HACE1: variants seen among roughly 807,000 people sequenced by gnomAD.
HACE1 encodes the protein E3 ubiquitin-protein ligase HACE1.
In HACE1, 73 loss-of-function variants were observed where a neutral mutation model predicts 118.4. The observed-to-expected ratio is 0.62, with a 90% CI of 0.51 to 0.75. HACE1 has a LOEUF of 0.75. Among genes scored for constraint, HACE1 ranks in the 30% least tolerant of loss-of-function variants. The pLI is 0.00. For missense variants in HACE1, 749 were observed against 1,102.2 expected (o/e 0.68, Z 4.54); for synonymous variants, 368 against 374.8 (o/e 0.98, Z 0.21).
intron 22 of HACE1, chr6:104,732,142 T>C (rs1367470831): frequency 6.6e-6 from 1 of 152,178 alleles, no homozygotes; most frequent in Non-Finnish European, 1.5e-5. Context: ...GAAAACAGTA[T>C]GCAAGTTCCT....
chr6:104,733,133 C>T (rs997737165), intron 22 of HACE1, among the ~76,000 whole-genome samples: 3 of 152,032 alleles, frequency 2.0e-5, no homozygotes, highest in Admixed American at 2.0e-4. Context: ...CCTATGATGT[C>T]GAATTTCAAA....
intron 7 of HACE1, among the ~76,000 whole-genome samples, chr6:104,810,854 G>A (rs944158361): frequency 4.6e-5 from 7 of 151,896 alleles, no homozygotes; most frequent in Non-Finnish European, 8.8e-5. Flanking sequence ...TACAGAGAAA[G>A]AAAAGACATG....
At chr6:104,854,956 TTAA>T (rs1225805217) in intron 1 of HACE1, among the ~76,000 whole-genome samples, 1 of 152,188 alleles carries the variant, frequency 6.6e-6, no homozygotes, top group African/African-American at 2.4e-5. Context: ...ATAAATCCTA[TTAA>T]TAACATTTAA....
At chr6:104,834,476 C>T (rs916567764) in intron 5 of HACE1, among the ~76,000 whole-genome samples, 1 of 152,082 alleles carries the variant, frequency 6.6e-6, no homozygotes, top group African/African-American at 2.4e-5. Flanking sequence ...ACTATGCTAT[C>T]CATTAATTTT....
At chr6:104,851,851 C>G (rs527484805) in intron 2 of HACE1, among the ~76,000 whole-genome samples, 44 of 152,218 alleles carry the variant, frequency 2.9e-4, no homozygotes, top group Non-Finnish European at 5.7e-4. Flanking sequence ...AAGACCCCCT[C>G]ACAAAGCCAA....
intron 22 of HACE1, among the ~76,000 whole-genome samples, chr6:104,737,849 C>T (rs1776097792): frequency 6.6e-6 from 1 of 152,214 alleles, no homozygotes; most frequent in South Asian, 2.1e-4. Flanking sequence ...GCCTGCCTGC[C>T]TCTGTAGGCT....
chr6:104,816,448 G>A (rs920034082), intron 6 of HACE1, among the ~76,000 whole-genome samples: 2 of 152,264 alleles, frequency 1.3e-5, no homozygotes, highest in African/African-American at 4.8e-5. Flanking sequence ...CTGCTTTAGA[G>A]GGTGCAAGCC....
intron 19 of HACE1, among the ~76,000 whole-genome samples, chr6:104,764,410 A>G (rs1562317533): frequency 6.6e-6 from 1 of 152,190 alleles, no homozygotes; most frequent in Non-Finnish European, 1.5e-5. Context: ...GGTGAGAAGA[A>G]GCAGTTGAGA....
chr6:104,743,069 A>C (rs1195292431), intron 22 of HACE1, among the ~76,000 whole-genome samples: 1 of 151,066 alleles, frequency 6.6e-6, no homozygotes, highest in Non-Finnish European at 1.5e-5. Context: ...AGAACAAAAA[A>C]CCAAACACCG....
chr6:104,849,504 A>T (rs200478891), intron 3 of HACE1, among the ~76,000 whole-genome samples: 9 of 137,282 alleles, frequency 6.6e-5, no homozygotes, highest in Admixed American at 5.1e-4. Flanking sequence ...CAATTGGGTA[A>T]TTTTTTTTTT....
intron 5 of HACE1, among the ~76,000 whole-genome samples, chr6:104,837,473 A>T (rs952710211): frequency 8.5e-5 from 13 of 152,232 alleles, no homozygotes; most frequent in African/African-American, 2.9e-4. Context: ...TAAGCCTCAT[A>T]ACTTATGCAA....
At chr6:104,775,269 C>T (rs1781108202) in intron 17 of HACE1, among the ~76,000 whole-genome samples, 1 of 151,962 alleles carries the variant, frequency 6.6e-6, no homozygotes, top group Non-Finnish European at 1.5e-5. Flanking sequence ...TCAGCCATAC[C>T]AGCTACTCGG....
intron 19 of HACE1, 87 bp from the exon 20 acceptor site, chr6:104,750,559 A>T: frequency 8.0e-7 from 1 of 1,243,654 alleles, no homozygotes; most frequent in Admixed American, 2.0e-5. Context: ...TTAAGAGGTA[A>T]AGGTTTAAAA....
intron 5 of HACE1, among the ~76,000 whole-genome samples, chr6:104,841,877 G>A (rs1205187183): frequency 6.6e-6 from 1 of 152,060 alleles, no homozygotes; most frequent in African/African-American, 2.4e-5. Flanking sequence ...ATTAAATAAT[G>A]ACAATTTGGT....
chr6:104,749,349 C>CA (rs1246302273), intron 20 of HACE1, among the ~76,000 whole-genome samples: 1 of 151,784 alleles, frequency 6.6e-6, no homozygotes, highest in Non-Finnish European at 1.5e-5. Context: ...TAAAAACAAT[C>CA]AAAAAAACCT....
chr6:104,778,880 GCCCTTT>G (rs1400776462), intron 14 of HACE1, among the ~76,000 whole-genome samples: 2 of 152,062 alleles, frequency 1.3e-5, no homozygotes, highest in Non-Finnish European at 2.9e-5. Flanking sequence ...AAGTGGAAAA[GCCCTTT>G]CCCCATAACC....
At chr6:104,809,982 A>G (rs1019842627) in intron 7 of HACE1, among the ~76,000 whole-genome samples, 1 of 152,092 alleles carries the variant, frequency 6.6e-6, no homozygotes, top group South Asian at 2.1e-4. Context: ...GGTTTGAGGA[A>G]GAAAATCTGA....
At chr6:104,810,555 C>T (rs1771487617) in intron 7 of HACE1, among the ~76,000 whole-genome samples, 1 of 151,932 alleles carries the variant, frequency 6.6e-6, no homozygotes, top group Non-Finnish European at 1.5e-5. Context: ...TTACATAATA[C>T]ATAATATGTA....
At chr6:104,813,824 A>G (rs771260639) in intron 6 of HACE1, among the ~76,000 whole-genome samples, 3 of 138,190 alleles carry the variant, frequency 2.2e-5, no homozygotes, top group Admixed American at 7.2e-5. Context: ...CTGAAAAATG[A>G]AACTCAGAAT....
Sources: allele counts gnomAD v4.1 joint callset (sites outside exome capture counted in the v4.1 genomes callset), GRCh38; gene constraint gnomAD v4.1.1; transcripts MANE v1.5; gene names NCBI Gene and HGNC (gene_info 2026-07-23, HGNC 2026-07-21).